GOLGA3: variants seen among roughly 807,000 people sequenced by gnomAD.
The protein encoded by GOLGA3 is golgin subfamily A member 3.
In GOLGA3, 75 loss-of-function variants were observed where a neutral mutation model predicts 169.4. The ratio of observed to expected loss-of-function variants is 0.44; its 90% CI spans 0.37 to 0.54. The LOEUF is 0.54. Among genes scored for constraint, GOLGA3 ranks in the 20% least tolerant of loss-of-function variants. GOLGA3 has a pLI of 0.00. For missense variants in GOLGA3, 1,899 were observed against 1,930.0 expected (o/e 0.98, Z 0.30); for synonymous variants, 824 against 822.4 (o/e 1.00, Z -0.03).
rs1199808370 is a variant in GOLGA3 at position 132,789,269 on chromosome 12, G to A, written c.2569C>T (p.Arg857Cys). 10 of 1,598,886 alleles carry A rather than the reference G, an allele frequency of 6.3e-6. No homozygotes were observed. The highest frequency in any genetic ancestry group is 2.2e-5 in the East Asian group (1 of 44,806). ...AGCTGGTCTTTGGAGGTGGCGTCGC[G>A]CCGGTAGGCCTCCACCATCACCTGC... ...QQKVMVEAYR[R>C]DATSKDQLIS... The change falls in exon 13 of 24, where the codon CGC becomes TGC. Residue 857 changes from arginine (R) to cysteine (C), a missense_variant. Coordinates refer to ENST00000450791, the MANE Select transcript of GOLGA3 (RefSeq NM_001389683.1).
chr12:132,810,852 A>C (rs1412493542), intron 4 of GOLGA3, among the ~76,000 whole-genome samples: 1 of 152,178 alleles, frequency 6.6e-6, no homozygotes, highest in Non-Finnish European at 1.5e-5. Flanking sequence ...CCTAACCATC[A>C]ACCTGTGATG....
At chr12:132,782,200 A>G in intron 17 of GOLGA3, 96 bp downstream of exon 17, 1 of 1,170,474 alleles carries the variant, frequency 8.5e-7, no homozygotes, top group Admixed American at 1.7e-5. Context: ...GCTAGGAGTC[A>G]GCACAGGTGA....
intron 4 of GOLGA3, among the ~76,000 whole-genome samples, chr12:132,810,171 C>T (rs966474129): frequency 6.6e-6 from 1 of 152,122 alleles, no homozygotes; most frequent in Non-Finnish European, 1.5e-5. Context: ...TCACTTGAAC[C>T]CAGGAGGTGG....
Position 132,808,444 on chromosome 12 carries a change from C to T in GOLGA3, c.625G>A (p.Glu209Lys). 6.2e-7 allele frequency: 1 copy of T among 1,614,168 alleles called. No homozygotes were observed. The highest frequency in any genetic ancestry group is 8.5e-7 in the Non-Finnish European group (1 of 1,180,012). ...ACACTGGTGCGCAGGAAGGAATATT[C>T]TTTTGTCATAGCCAGGGTACTGGCC... The part of the protein sequence containing the change: ...PRASTLAMTK[E>K]YSFLRTSVPR... The change falls in exon 5 of 24, where the codon GAA (glutamate) becomes AAA (lysine). Residue 209 changes from glutamate to lysine, a missense_variant. Physicochemically the swap from Glu to Lys is moderately conservative, Grantham distance 56. Coordinates refer to ENST00000450791, the MANE Select transcript of GOLGA3 (RefSeq NM_001389683.1).
At chr12:132,799,723 T>C (rs7313516) in intron 8 of GOLGA3, among the ~76,000 whole-genome samples, 106,097 of 151,710 alleles carry the variant, frequency 0.7, 37,369 homozygotes, top group East Asian at 0.81. Context: ...TACACCACCA[T>C]ACTTCCTTGT....
intron 13 of GOLGA3, among the ~76,000 whole-genome samples, chr12:132,788,442 C>G (rs1022259478): frequency 2.0e-5 from 3 of 152,182 alleles, no homozygotes; most frequent in African/African-American, 7.2e-5. Flanking sequence ...GGACTGCGGC[C>G]TCCGTCCCCC....
At chr12:132,780,340 T>C (rs2045527052) in intron 18 of GOLGA3, among the ~76,000 whole-genome samples, 1 of 152,154 alleles carries the variant, frequency 6.6e-6, no homozygotes, top group Non-Finnish European at 1.5e-5. Flanking sequence ...ACAGGGCACC[T>C]GGGGGTCAGG....
intron 23 of GOLGA3, 49 bp downstream of exon 23, chr12:132,774,108 G>A (rs752118613): frequency 2.0e-6 from 3 of 1,501,212 alleles, no homozygotes; most frequent in African/African-American, 1.4e-5. Flanking sequence ...AGGTAAGAGG[G>A]CATTAATCTT....
chr12:132,786,677 G>C lies in GOLGA3; in HGVS notation c.2906+16C>G. 1 of 1,573,380 alleles carries C rather than the reference G, an allele frequency of 6.4e-7. No homozygotes were observed. The highest frequency in any genetic ancestry group is 8.7e-7 in the Non-Finnish European group (1 of 1,145,266). On this transcript the variant is annotated intron_variant, in intron 14 of 23. Transcript: ENST00000450791. ...CACCTGGCCCCCGCACCTCCCCCGG[G>C]CACATGCAGACTTACTTCCGGGCCT...
intron 13 of GOLGA3, among the ~76,000 whole-genome samples, chr12:132,787,138 G>C (rs1220766862): frequency 3.9e-5 from 6 of 152,004 alleles, no homozygotes; most frequent in Non-Finnish European, 8.8e-5. Flanking sequence ...ATTTTTAGTA[G>C]AGACAGGGTT....
chr12:132,788,539 A>C (rs2136383634), intron 13 of GOLGA3, among the ~76,000 whole-genome samples: 1 of 152,256 alleles, frequency 6.6e-6, no homozygotes, highest in South Asian at 2.1e-4. Flanking sequence ...AAGCCAGCCC[A>C]GGCTCAGCTT....
intron 12 of GOLGA3, among the ~76,000 whole-genome samples, chr12:132,789,980 C>T (rs1467005519): frequency 2.0e-5 from 3 of 151,582 alleles, no homozygotes; most frequent in African/African-American, 4.9e-5. Context: ...TTGCAGTGAG[C>T]GGAGACAGCA....
intron 2 of GOLGA3, among the ~76,000 whole-genome samples, chr12:132,818,406 CCCA>C (rs1464868504): frequency 6.6e-6 from 1 of 152,162 alleles, no homozygotes; most frequent in South Asian, 2.1e-4. Context: ...ATTACAGGTG[CCCA>C]CCACCACACC....
At chr12:132,784,360 C>A in intron 15 of GOLGA3, 53 bp from the exon 16 acceptor site, 2 of 1,492,864 alleles carry the variant, frequency 1.3e-6, no homozygotes, top group Admixed American at 1.8e-5. Flanking sequence ...CCTGACCCCC[C>A]TCACTTCCTG....
intron 7 of GOLGA3, among the ~76,000 whole-genome samples, chr12:132,803,777 A>G (rs1216068707): frequency 2.0e-5 from 3 of 152,160 alleles, no homozygotes; most frequent in African/African-American, 7.2e-5. Flanking sequence ...GGACCGGCTC[A>G]CATGGAGTCA....
rs958414433 is a variant in GOLGA3 at position 132,769,139 on chromosome 12, G to A, written c.*3966C>T. 6.6e-6 allele frequency: 1 copy of A among 152,322 alleles called. No individual in the cohort carries two copies. Among genetic ancestry groups the A allele is most frequent in the African/African-American group, 2.4e-5 (1 of 41,558 alleles). 9.4% of individuals were successfully genotyped at this position (152,322 alleles called of 1,614,324 possible). A position where few individuals can be genotyped will look rare whatever the true frequency, so the allele number is the denominator to read the frequency against. On this transcript the variant is annotated 3_prime_UTR_variant, in exon 24 of 24. Transcript: ENST00000450791. ...CAGACCCTCTAACACATTTCCCTCC[G>A]GATCCTGTGAGAGCCTGAGATCACT...
intron 7 of GOLGA3, among the ~76,000 whole-genome samples, chr12:132,802,362 G>C (rs1315497117): frequency 1.3e-5 from 2 of 150,548 alleles, no homozygotes; most frequent in Admixed American, 1.3e-4. Context: ...AACAGTGGCC[G>C]GACACGGGGG....
chr12:132,803,084 AAAACAAC>A (rs1222340318), intron 7 of GOLGA3, among the ~76,000 whole-genome samples: 31 of 15,324 alleles, frequency 2.0e-3, no homozygotes, highest in East Asian at 4.7e-3. Flanking sequence ...CAACAACAAC[AAAACAAC>A]AAAAAAAAAC....
At chr12:132,818,684 T>A (rs1950090236) in intron 2 of GOLGA3, among the ~76,000 whole-genome samples, 2 of 152,234 alleles carry the variant, frequency 1.3e-5, no homozygotes, top group Admixed American at 6.5e-5. Context: ...AACAGCAGTG[T>A]TAATCAGAGT....
Sources: gnomAD v4.1 joint callset for allele counts (sites outside exome capture counted in the v4.1 genomes callset) on GRCh38, gnomAD v4.1.1 for gene constraint, MANE v1.5 for transcripts, NCBI Gene and HGNC (gene_info 2026-07-23, HGNC 2026-07-21) for gene names.